The following NFIA variants were observed in gnomAD, a reference collection of about 807,000 sequenced individuals.
NFIA encodes the protein nuclear factor I A.
Under a neutral mutation model 62.8 loss-of-function variants are expected in NFIA, and 8 were observed. That is an observed-to-expected ratio of 0.13 (90% confidence interval 0.07 to 0.23). The LOEUF is 0.23. NFIA is among the 10% of genes least tolerant of loss of function. The pLI, the probability that NFIA is intolerant of heterozygous loss-of-function variation, is 1.00. For synonymous variants in NFIA, 235 were observed against 238.1 expected (o/e 0.99, Z 0.12); for missense variants, 410 against 642.1 (o/e 0.64, Z 3.91).
chr1:61,254,109 GT>G (rs1343281928), intron 2 of NFIA, among the ~76,000 whole-genome samples: 1 of 152,164 alleles, frequency 6.6e-6, no homozygotes, highest in Non-Finnish European at 1.5e-5. Context: ...TGTTTTGTGT[GT>G]TCCATCTTAC....
intron 2 of NFIA, among the ~76,000 whole-genome samples, chr1:61,210,037 T>C (rs1418344159): frequency 6.6e-6 from 1 of 152,196 alleles, no homozygotes; most frequent in East Asian, 1.9e-4. Context: ...TGAATACAGA[T>C]ATATCCTAAA....
At chr1:61,431,653 A>AT (rs1353833815) in intron 10 of NFIA, among the ~76,000 whole-genome samples, 1 of 152,236 alleles carries the variant, frequency 6.6e-6, no homozygotes, top group Non-Finnish European at 1.5e-5. Flanking sequence ...GCCTCATGAA[A>AT]TTTACAAATG....
chr1:61,263,253 A>T (rs1656882591), intron 2 of NFIA, among the ~76,000 whole-genome samples: 1 of 152,218 alleles, frequency 6.6e-6, no homozygotes, highest in South Asian at 2.1e-4. Flanking sequence ...ATCACTGGTT[A>T]TTCTTTGCTT....
chr1:61,307,182 A>C (rs774677434), intron 3 of NFIA, among the ~76,000 whole-genome samples: 4 of 152,138 alleles, frequency 2.6e-5, no homozygotes, highest in African/African-American at 9.7e-5. Flanking sequence ...CCCAAAATTC[A>C]TATGTTGAAA....
chr1:61,121,947 C>T (rs1646894043), intron 2 of NFIA, among the ~76,000 whole-genome samples: 1 of 152,124 alleles, frequency 6.6e-6, no homozygotes, highest in Non-Finnish European at 1.5e-5. Context: ...GAGCTACCTT[C>T]CCTGACAAGA....
chr1:61,110,432 A>G (rs1646676093), intron 2 of NFIA, among the ~76,000 whole-genome samples: 1 of 152,026 alleles, frequency 6.6e-6, no homozygotes, highest in African/African-American at 2.4e-5. Flanking sequence ...TTTTTAAAAA[A>G]TATGCAGTAT....
chr1:61,340,665 A>G (rs1189616131), intron 4 of NFIA, among the ~76,000 whole-genome samples: 6 of 152,188 alleles, frequency 3.9e-5, no homozygotes, highest in Non-Finnish European at 5.9e-5. Context: ...CTCAGAGCCA[A>G]TCTTGGAGCT....
chr1:61,435,396 GTTGTTGGCA>G (rs1176498076), intron 10 of NFIA, among the ~76,000 whole-genome samples: 1 of 152,182 alleles, frequency 6.6e-6, no homozygotes. Flanking sequence ...TGAGTGAGTG[GTTGTTGGCA>G]TTGTTTCAGC....
chr1:61,205,901 C>CTTTTTTTTTTTT (rs199804398), intron 2 of NFIA, among the ~76,000 whole-genome samples: 1 of 122,506 alleles, frequency 8.2e-6, no homozygotes, highest in African/African-American at 3.1e-5. Flanking sequence ...TTTTGCAGCC[C>CTTTTTTTTTTTT]TTTTTTTTTT....
At chr1:61,451,499 G>C (rs1248564336) in intron 10 of NFIA, among the ~76,000 whole-genome samples, 2 of 152,144 alleles carry the variant, frequency 1.3e-5, no homozygotes, top group African/African-American at 4.8e-5. Context: ...CTGGACTGCA[G>C]ATTTCTTTTG....
intron 3 of NFIA, among the ~76,000 whole-genome samples, chr1:61,305,723 G>A (rs571900211): frequency 4.4e-4 from 67 of 152,194 alleles, no homozygotes; most frequent in Non-Finnish European, 5.9e-5. Flanking sequence ...GACAACATTA[G>A]TCCCGTTTAA....
chr1:61,247,353 A>ACT (rs1282088444), intron 2 of NFIA, among the ~76,000 whole-genome samples: 7 of 152,214 alleles, frequency 4.6e-5, no homozygotes, highest in Non-Finnish European at 8.8e-5. Flanking sequence ...ACTCTGAAGA[A>ACT]CTGGGCTTTC....
At chr1:61,165,774 T>C (rs1480049592) in intron 2 of NFIA, among the ~76,000 whole-genome samples, 1 of 152,174 alleles carries the variant, frequency 6.6e-6, no homozygotes, top group Admixed American at 6.5e-5. Context: ...ATCTGAAGGG[T>C]TACTCCTCAA....
chr1:61,352,566 A>T lies in NFIA; in HGVS notation c.817A>T (p.Ser273Cys). 6.2e-7 allele frequency: 1 copy of T among 1,607,458 alleles called. No individual in the cohort carries two copies. ...GTCTTTACCCAGCACATCCTCTACG[A>T]GGTAATTTTATTGGCAGCTCTTGAA... ...RRSLPSTSST[S>C]STKRLKSVED... is the part of the protein sequence containing the mutation. Residue 273 changes from serine (S) to cysteine (C), a missense_variant and splice_region_variant, in exon 5 of 11, where the codon AGC becomes TGC. Around this residue, in one of 3 missense-constraint regions of NFIA, gnomAD observed 298 missense variants for 438.1 expected, o/e 0.68. Coordinates refer to ENST00000403491, the MANE Select transcript of NFIA (RefSeq NM_001134673.4).
At chr1:61,221,855 C>G (rs1234778767) in intron 2 of NFIA, among the ~76,000 whole-genome samples, 1 of 152,048 alleles carries the variant, frequency 6.6e-6, no homozygotes. Context: ...CCTTTCATAG[C>G]CCGTATGATG....
At chr1:61,305,453 G>A (rs750384540) in intron 3 of NFIA, among the ~76,000 whole-genome samples, 4 of 152,214 alleles carry the variant, frequency 2.6e-5, no homozygotes, top group Non-Finnish European at 5.9e-5. Flanking sequence ...AACAAGAGAA[G>A]TATTAGAGAG....
chr1:61,245,304 C>T (rs1047751396), intron 2 of NFIA, among the ~76,000 whole-genome samples: 10 of 152,042 alleles, frequency 6.6e-5, no homozygotes, highest in African/African-American at 2.4e-4. Flanking sequence ...CTTTAAACAT[C>T]GTATACACAG....
At chr1:61,081,983 G>A (rs144213945), upstream of NFIA, 63 of 1,550,616 alleles carry the variant, frequency 4.1e-5, no homozygotes, top group African/African-American at 6.3e-4. Context: ...GGTTCTCTAC[G>A]TGCCCACGCG....
intron 2 of NFIA, among the ~76,000 whole-genome samples, chr1:61,267,976 T>G (rs965696041): frequency 6.6e-6 from 1 of 152,104 alleles, no homozygotes; most frequent in African/African-American, 2.4e-5. Flanking sequence ...AAAAAACCTG[T>G]GTTGTTTCAG....
Sources: allele counts gnomAD v4.1 joint callset (sites outside exome capture counted in the v4.1 genomes callset), GRCh38; gene constraint gnomAD v4.1.1; regional missense constraint gnomAD v4.1.1; transcripts MANE v1.5; gene names NCBI Gene and HGNC (gene_info 2026-07-23, HGNC 2026-07-21).